PIWIL3: variants seen among roughly 807,000 people sequenced by gnomAD.
PIWIL3 encodes the protein piwi-like protein 3.
Under a neutral mutation model 109.7 loss-of-function variants are expected in PIWIL3, and 101 were observed. That is an observed-to-expected ratio of 0.92 (90% CI 0.78 to 1.09). The LOEUF (loss-of-function observed/expected upper bound fraction) is 1.09. Among genes scored for constraint, PIWIL3 ranks in the 50% least tolerant of loss-of-function variants. The pLI, the probability that PIWIL3 is intolerant of heterozygous loss-of-function variation, is 0.00. For missense variants in PIWIL3, 1,031 were observed against 1,072.6 expected (o/e 0.96, Z 0.54); for synonymous variants, 373 against 376.4 (o/e 0.99, Z 0.10).
intron 11 of PIWIL3, among the ~76,000 whole-genome samples, 174 bp downstream of exon 11, chr22:24,749,230 C>G (rs145791031): frequency 2.1e-4 from 32 of 152,114 alleles, no homozygotes; most frequent in East Asian, 1.9e-3. Flanking sequence ...ATTCTTCCCC[C>G]CCGGCCTCCT....
At chr22:24,731,045 T>G (rs1323586177) in intron 14 of PIWIL3, among the ~76,000 whole-genome samples, 1 of 152,210 alleles carries the variant, frequency 6.6e-6, no homozygotes, top group African/African-American at 2.4e-5. Context: ...ATACAAAGGC[T>G]GGAATGTAAC....
Position 24,749,832 on chromosome 22 carries a change from C to G in PIWIL3, c.1090-13G>C. 1.2e-6 allele frequency: 2 copies of G among 1,613,904 alleles called. No individual in the cohort carries two copies. The highest frequency in any genetic ancestry group is 8.5e-7 in the Non-Finnish European group (1 of 1,179,952). ...TTTCTTTATGTTGCTGCTCAACAAA[C>G]AAGAGACCAGCATGACCATCAGTGA... On this transcript the variant is annotated splice_polypyrimidine_tract_variant and intron_variant, in intron 9 of 20. Transcript: ENST00000616349.
intron 12 of PIWIL3, among the ~76,000 whole-genome samples, chr22:24,740,605 T>C (rs1379353668): frequency 7.2e-6 from 1 of 138,012 alleles, no homozygotes; most frequent in Non-Finnish European, 1.6e-5. Flanking sequence ...AGAAATACAA[T>C]AGATCATTCA....
At chr22:24,764,831 G>A (rs185323097) in intron 1 of PIWIL3, among the ~76,000 whole-genome samples, 327 of 152,272 alleles carry the variant, frequency 2.1e-3, no homozygotes, top group African/African-American at 7.7e-3. Context: ...CCTGCCATTG[G>A]CATGGCTGAT....
At chr22:24,721,191 C>T (rs1031417692) in intron 19 of PIWIL3, among the ~76,000 whole-genome samples, 1 of 152,104 alleles carries the variant, frequency 6.6e-6, no homozygotes, top group Non-Finnish European at 1.5e-5. Flanking sequence ...ATAAGTTAGC[C>T]GGGTATCAAA....
chr22:24,728,522 G>T (rs1923132947), intron 14 of PIWIL3, 148 bp from the exon 15 acceptor site: 2 of 704,328 alleles, frequency 2.8e-6, no homozygotes, highest in African/African-American at 3.6e-5. Flanking sequence ...AGGGCGAAGG[G>T]TCTAGAGCCA....
At position 24,748,933 on chromosome 22, in the gene PIWIL3, C is replaced by T. The variant is rs761950809; in HGVS notation, c.1423G>A (p.Ala475Thr). 3.0e-5 allele frequency: 48 copies of T among 1,612,524 alleles called. No individual in the cohort carries two copies. Among genetic ancestry groups the T allele is most frequent in the East Asian group, 1.8e-4 (8 of 44,832 alleles). Reference sequence around the variant, plus strand: ...ATTCTTCTGCCTTGCACGATGTTTGCGTTTTTCAAAACTCTTCCCGGGACG... The same window carrying T: ...ATTCTTCTGCCTTGCACGATGTTTGTGTTTTTCAAAACTCTTCCCGGGACG... ...LSVPGRVLKN[A>T]NIVQGRRMVK... Residue 475 changes from alanine to threonine, a missense_variant, in exon 12 of 21, where the codon GCA (alanine) becomes ACA (threonine). Physicochemically the swap from Ala to Thr is moderately conservative, Grantham distance 58 (BLOSUM62 0). Transcript: ENST00000616349.
rs914100489 is a variant in PIWIL3, at chr22:24,764,624, C to T, written c.-22-2103G>A. Among the ~76,000 whole-genome samples, 150 of 63,852 alleles carry T rather than the reference C, an allele frequency of 2.3e-3. 1 individual carries two copies. Among genetic ancestry groups the T allele is most frequent in the Admixed American group, 3.5e-3 (18 of 5,126 alleles). 41.9% of individuals were successfully genotyped at this position (63,852 alleles called of 152,430 possible). On this transcript the variant is annotated intron_variant, in intron 1 of 20. Transcript: ENST00000616349. ...GTTTCTGTCATTCTTTTTGACCTTG[C>T]CGTGTGTGTGTGTGTGTGTGTGTGT...
In PIWIL3 at chr22:24,735,831, G is replaced by A. The variant is rs544552697; in HGVS notation, c.1511C>T (p.Ala504Val). ...REIRELPLLNAMPLHSWLILY... is the reference protein window; with the variant it reads ...REIRELPLLNVMPLHSWLILY... ...TATGAGCCAACTATGTAGTGGCATT[G>A]CATTAAGTAAGGGTAATTCTCTTAT... Residue 504 changes from alanine (A) to valine (V), a missense_variant, in exon 13 of 21, where the codon GCA becomes GTA. Coordinates refer to ENST00000616349, the MANE Select transcript of PIWIL3 (RefSeq NM_001255975.1). The A allele has an allele frequency of 7.4e-6, 12 of 1,613,202 alleles. No homozygotes were observed. The South Asian group carries it at 1.2e-4, about 16-fold the overall frequency.
chr22:24,755,198 C>A (rs1210784946), intron 6 of PIWIL3, among the ~76,000 whole-genome samples: 1 of 152,210 alleles, frequency 6.6e-6, no homozygotes, highest in Non-Finnish European at 1.5e-5. Context: ...TCTCTGCTCA[C>A]TGAAACCTCC....
chr22:24,754,173 TGAA>T lies in PIWIL3; in HGVS notation c.815_817del (p.Leu272del), dbSNP rs756689947. 1.2e-6 allele frequency: 2 copies of T among 1,614,108 alleles called. No individual in the cohort carries two copies. The highest frequency in any genetic ancestry group is 3.3e-5 in the Admixed American group (2 of 60,026). On this transcript the variant is annotated inframe_deletion, in exon 8 of 21. Transcript: ENST00000616349. The stretch of plus-strand genomic sequence containing the variant: ...ACAGAGGGTAATGCTGTTTTCGTAT[TGAA>T]GAACAGAAGTAACATAACCAAGCCA...
intron 14 of PIWIL3, 47 bp downstream of exon 14, chr22:24,734,037 T>C (rs528395578): frequency 1.9e-6 from 3 of 1,563,092 alleles, no homozygotes; most frequent in African/African-American, 1.4e-5. Context: ...TCAAGATGGT[T>C]TGGAACAATA....
At chr22:24,770,157 G>A (rs889994700) in intron 1 of PIWIL3, among the ~76,000 whole-genome samples, 20 of 152,272 alleles carry the variant, frequency 1.3e-4, no homozygotes, top group Admixed American at 1.2e-3. Context: ...TTTGTGAAGG[G>A]GGCAGTGAAG....
At chr22:24,766,551 T>C (rs879671753) in intron 1 of PIWIL3, among the ~76,000 whole-genome samples, 66 of 151,914 alleles carry the variant, frequency 4.3e-4, no homozygotes, top group Non-Finnish European at 6.0e-4. Flanking sequence ...CTTGATCTCC[T>C]GACCTTGTGA....
chr22:24,749,127 C>T (rs5760620), intron 11 of PIWIL3, 106 bp from the exon 12 acceptor site: 214,341 of 944,642 alleles, frequency 0.23, 26,570 homozygotes, highest in East Asian at 0.46. Flanking sequence ...ATCACTTGTC[C>T]GCAGCATTGA....
In PIWIL3 at chr22:24,725,504, T is replaced by G. The variant is rs757570123; in HGVS notation, c.2021A>C (p.Gln674Pro). The change falls in exon 17 of 21, where the codon CAA becomes CCA. Residue 674 changes from glutamine to proline, a missense_variant. By Grantham distance (76) the Gln-to-Pro change is moderately conservative. Coordinates refer to ENST00000616349, the MANE Select transcript of PIWIL3 (RefSeq NM_001255975.1). ...TNAELTKWYS[Q>P]CVIQKTGEEL... is the part of the protein sequence containing the mutation. ...TTCTCCTGTTTTCTGGATGACACAT[T>G]GAGAGTACCACCTGTTCACAGAAAA... 1 of 1,614,080 alleles carries G rather than the reference T, an allele frequency of 6.2e-7. No homozygotes were observed. The highest frequency in any genetic ancestry group is 8.5e-7 in the Non-Finnish European group (1 of 1,180,026).
chr22:24,766,315 GTTTTGT>G (rs1194339057), intron 1 of PIWIL3, among the ~76,000 whole-genome samples: 5 of 151,172 alleles, frequency 3.3e-5, no homozygotes, highest in Non-Finnish European at 7.4e-5. Flanking sequence ...GTTTTGTTTT[GTTTTGT>G]TTTTGTTTTT....
chr22:24,761,330 G>C (rs1008610287), intron 2 of PIWIL3, among the ~76,000 whole-genome samples: 1 of 152,140 alleles, frequency 6.6e-6, no homozygotes, highest in Non-Finnish European at 1.5e-5. Flanking sequence ...GAGAGCAAGT[G>C]GGGGTGGTCA....
chr22:24,741,045 A>G (rs1923974983), intron 12 of PIWIL3, among the ~76,000 whole-genome samples: 1 of 152,238 alleles, frequency 6.6e-6, no homozygotes, highest in South Asian at 2.1e-4. Context: ...TCACCATATC[A>G]AAAAGATAAT....
Sources: allele counts gnomAD v4.1 joint callset (sites outside exome capture counted in the v4.1 genomes callset), GRCh38; gene constraint gnomAD v4.1.1; transcripts MANE v1.5; gene names NCBI Gene and HGNC (gene_info 2026-07-23, HGNC 2026-07-21).